TSPAN2: variants seen among roughly 807,000 people sequenced by gnomAD.
TSPAN2 encodes tetraspanin-2.
Under a neutral mutation model 33.3 loss-of-function variants are expected in TSPAN2, and 24 were observed. That is an observed-to-expected ratio of 0.72 (90% confidence interval 0.52 to 1.01). The LOEUF (loss-of-function observed/expected upper bound fraction) is 1.01. TSPAN2 is among the 50% of genes least tolerant of loss of function. The probability of loss-of-function intolerance (pLI) is 0.00; values close to 1 mark genes in which losing one functional copy is unlikely to be tolerated. For missense variants in TSPAN2, 278 were observed against 281.3 expected, an observed-to-expected ratio of 0.99 and a Z score of 0.08; for synonymous variants, 114 against 104.5, an observed-to-expected ratio of 1.09 and a Z score of -0.56.
intron 6 of TSPAN2, among the ~76,000 whole-genome samples, chr1:115,054,755 G>T (rs1478689179): frequency 6.6e-6 from 1 of 152,114 alleles, no homozygotes; most frequent in East Asian, 1.9e-4. Flanking sequence ...GGGAGGCCGA[G>T]ATGCGTGGAT....
At chr1:115,053,333 A>C (rs1466739207) in intron 7 of TSPAN2, 46 bp downstream of exon 7, 12 of 1,544,346 alleles carry the variant, frequency 7.8e-6, no homozygotes, top group Non-Finnish European at 9.8e-6. Flanking sequence ...GCAAAGTTTC[A>C]AGGCTTTTTA....
chr1:115,057,478 G>T, intron 6 of TSPAN2, 59 bp downstream of exon 6: 2 of 1,512,382 alleles, frequency 1.3e-6, no homozygotes, highest in Admixed American at 1.7e-5. Flanking sequence ...ACCTTCAATG[G>T]CTTCCTAAGC....
intron 6 of TSPAN2, among the ~76,000 whole-genome samples, chr1:115,056,333 C>A (rs901333375): frequency 6.6e-6 from 1 of 152,164 alleles, no homozygotes; most frequent in South Asian, 2.1e-4. Flanking sequence ...GATGCTCTCT[C>A]TCCTCACATC....
rs1156472795 is a variant in TSPAN2, at chr1:115,049,844, T to C, written c.*646A>G. ...AGAGGAAGACTTTTTTATTTTTAAA[T>C]TCTAGGAAAGCATGACTTATTCAAA... On this transcript the variant is annotated 3_prime_UTR_variant, in exon 8 of 8. Coordinates refer to ENST00000369516, the MANE Select transcript of TSPAN2 (RefSeq NM_005725.6). 2.0e-5 allele frequency: 3 copies of C among 152,668 alleles called. 1 individual carries two copies. Among genetic ancestry groups the C allele is most frequent in the African/African-American group, 4.8e-5 (2 of 41,454 alleles). 9.5% of individuals were successfully genotyped at this position (152,668 alleles called of 1,614,324 possible).
intron 1 of TSPAN2, among the ~76,000 whole-genome samples, chr1:115,084,231 A>C (rs1171131667): frequency 1.3e-5 from 2 of 152,206 alleles, no homozygotes; most frequent in Non-Finnish European, 2.9e-5. Context: ...ATAACCTTAC[A>C]TATATTAACT....
intron 7 of TSPAN2, among the ~76,000 whole-genome samples, chr1:115,052,981 G>A (rs1647246100): frequency 6.6e-6 from 1 of 152,170 alleles, no homozygotes; most frequent in Non-Finnish European, 1.5e-5. Flanking sequence ...TGATGCCAGA[G>A]CTCGCCCTAT....
chr1:115,081,417 C>A (rs1299188951), intron 1 of TSPAN2, among the ~76,000 whole-genome samples: 1 of 152,228 alleles, frequency 6.6e-6, no homozygotes, highest in Non-Finnish European at 1.5e-5. Flanking sequence ...GCTTGGTACA[C>A]ATCCTGGAAT....
At chr1:115,069,637 C>A (rs997472060) in intron 2 of TSPAN2, among the ~76,000 whole-genome samples, 11 of 152,212 alleles carry the variant, frequency 7.2e-5, no homozygotes, top group African/African-American at 2.7e-4. Flanking sequence ...CCAGTATTAA[C>A]CCTTGACCTT....
chr1:115,067,917 A>T (rs1234836140), intron 2 of TSPAN2, among the ~76,000 whole-genome samples: 1 of 152,124 alleles, frequency 6.6e-6, no homozygotes, highest in African/African-American at 2.4e-5. Context: ...CCAGAGAGGG[A>T]CTGTAACAGG....
intron 1 of TSPAN2, among the ~76,000 whole-genome samples, chr1:115,087,996 T>C (rs547539110): frequency 6.9e-4 from 105 of 152,366 alleles, no homozygotes; most frequent in Non-Finnish European, 1.4e-3. Context: ...GTGACATCTA[T>C]AATTAACAGC....
chr1:115,050,076 A>G lies in TSPAN2; in HGVS notation c.*414T>C. On this transcript the variant is annotated 3_prime_UTR_variant, in exon 8 of 8. Transcript: ENST00000369516. Reference sequence around the variant, plus strand: ...AAGAAGAAATCTCTGAATTCTCTGCATCTAATTTTCAATGGCTACAGTCTG... The same window carrying G: ...AAGAAGAAATCTCTGAATTCTCTGCGTCTAATTTTCAATGGCTACAGTCTG... 1 of 228,772 alleles carries G rather than the reference A, an allele frequency of 4.4e-6. No individual in the cohort carries two copies. Among genetic ancestry groups the G allele is most frequent in the Non-Finnish European group, 8.6e-6 (1 of 115,888 alleles). 14.2% of individuals were successfully genotyped at this position (228,772 alleles called of 1,614,324 possible).
intron 2 of TSPAN2, among the ~76,000 whole-genome samples, chr1:115,067,985 C>T (rs533274999): frequency 4.5e-4 from 68 of 152,310 alleles, no homozygotes; most frequent in African/African-American, 1.6e-3. Flanking sequence ...CCCAAGAGTG[C>T]CCTGAAAGAG....
At position 115,048,675 on chromosome 1, in the gene TSPAN2, T is replaced by A. The variant is rs1303956758; in HGVS notation, c.*1815A>T. The A allele has an allele frequency of 1.3e-5, 2 of 152,050 alleles. No individual in the cohort carries two copies. Among genetic ancestry groups the A allele is most frequent in the African/African-American group, 4.8e-5 (2 of 41,444 alleles). The allele number at this position is 152,050 out of a possible 1,614,324, so 9.4% of individuals were successfully genotyped here. On this transcript the variant is annotated 3_prime_UTR_variant, in exon 8 of 8. Transcript: ENST00000369516. ...CCTGTCTTCAGGCAGAGAGATAAACTAAAGCTAAGAGAGATGGACTGCCTG... is the reference window on the plus strand; with the variant it reads ...CCTGTCTTCAGGCAGAGAGATAAACAAAAGCTAAGAGAGATGGACTGCCTG...
intron 1 of TSPAN2, among the ~76,000 whole-genome samples, chr1:115,073,507 C>T (rs1648272157): frequency 7.1e-6 from 1 of 141,004 alleles, no homozygotes; most frequent in Non-Finnish European, 1.6e-5. Context: ...ACAGCAACCT[C>T]AACCTCAGAA....
At chr1:115,066,601 C>G (rs747889385) in intron 2 of TSPAN2, among the ~76,000 whole-genome samples, 3 of 152,156 alleles carry the variant, frequency 2.0e-5, no homozygotes, top group Admixed American at 6.5e-5. Flanking sequence ...GTGGTTCCCC[C>G]CTTTTAGGGA....
Position 115,048,085 on chromosome 1 carries a change from G to A in TSPAN2, c.*2405C>T, listed in dbSNP as rs972182337. 1 of 151,468 alleles carries A rather than the reference G, an allele frequency of 6.6e-6. No homozygotes were observed. The highest frequency in any genetic ancestry group is 2.4e-5 in the African/African-American group (1 of 41,260). The allele number at this position is 151,468 out of a possible 1,614,324, so 9.4% of individuals were successfully genotyped here. A position where few individuals can be genotyped will look rare whatever the true frequency, so the allele number is the denominator to read the frequency against. On this transcript the variant is annotated 3_prime_UTR_variant, in exon 8 of 8. Transcript: ENST00000369516. ...TTAAGAAGTCTTAATTCAGTGCCTT[G>A]GCATGAGACATTTAAAAGCATGTTT...
At chr1:115,060,906 A>G (rs1647692004) in intron 3 of TSPAN2, among the ~76,000 whole-genome samples, 1 of 152,212 alleles carries the variant, frequency 6.6e-6, no homozygotes, top group Non-Finnish European at 1.5e-5. Flanking sequence ...TACTTGACGA[A>G]CACAAAAGAC....
chr1:115,089,274 G>T, intron 1 of TSPAN2, 90 bp downstream of exon 1: 1 of 1,216,652 alleles, frequency 8.2e-7, no homozygotes, highest in Non-Finnish European at 1.1e-6. Context: ...AGCGCGACTC[G>T]GACGCCGCAG....
intron 1 of TSPAN2, among the ~76,000 whole-genome samples, chr1:115,083,234 G>T (rs994921941): frequency 6.6e-6 from 1 of 152,194 alleles, no homozygotes; most frequent in African/African-American, 2.4e-5. Context: ...TAACTGTCAA[G>T]GTTGGGGGAT....
Sources: gnomAD v4.1 joint callset for allele counts (sites outside exome capture counted in the v4.1 genomes callset) on GRCh38, gnomAD v4.1.1 for gene constraint, MANE v1.5 for transcripts, NCBI Gene and HGNC (gene_info 2026-07-23, HGNC 2026-07-21) for gene names.